PDGFC: variants seen among roughly 807,000 people sequenced by gnomAD.
The protein encoded by PDGFC is platelet-derived growth factor C.
In PDGFC, 12 loss-of-function variants were observed where a neutral mutation model predicts 35.5. The ratio of observed to expected loss-of-function variants is 0.34; its 90% confidence interval spans 0.22 to 0.55. PDGFC has a LOEUF of 0.55. Among genes scored for constraint, PDGFC ranks in the 20% least tolerant of loss-of-function variants. PDGFC has a pLI of 0.91. For synonymous variants in PDGFC, 159 were observed against 148.8 expected (o/e 1.07, Z -0.50); for missense variants, 322 against 412.4 (o/e 0.78, Z 1.90).
At chr4:156,804,620 A>G (rs184238647) in intron 3 of PDGFC, among the ~76,000 whole-genome samples, 1 of 152,094 alleles carries the variant, frequency 6.6e-6, no homozygotes, top group East Asian at 1.9e-4. Context: ...CCAAAACGAG[A>G]TAAGTTATCA....
chr4:156,782,510 C>T (rs979231684), intron 3 of PDGFC, among the ~76,000 whole-genome samples: 10 of 152,092 alleles, frequency 6.6e-5, no homozygotes, highest in African/African-American at 2.2e-4. Flanking sequence ...AGTGTTTGGG[C>T]ATTTTTTTTA....
chr4:156,966,173 A>G (rs1321486014), intron 1 of PDGFC, among the ~76,000 whole-genome samples: 1 of 152,216 alleles, frequency 6.6e-6, no homozygotes, highest in African/African-American at 2.4e-5. Context: ...AAATAAAATC[A>G]TAGTTGGAGG....
At chr4:156,772,996 G>T in intron 3 of PDGFC, 103 bp from the exon 4 acceptor site, 1 of 734,570 alleles carries the variant, frequency 1.4e-6, no homozygotes. Context: ...AAATATGTGT[G>T]AAGGGAAATT....
At chr4:156,934,684 C>G (rs1371075404) in intron 1 of PDGFC, among the ~76,000 whole-genome samples, 1 of 152,180 alleles carries the variant, frequency 6.6e-6, no homozygotes, top group Non-Finnish European at 1.5e-5. Flanking sequence ...CACAACTACA[C>G]AAAAGTATTT....
In PDGFC at chr4:156,761,336, A is replaced by T. The variant is rs1424078954; in HGVS notation, c.*1754T>A. On this transcript the variant is annotated 3_prime_UTR_variant, in exon 6 of 6. Coordinates refer to ENST00000502773, the MANE Select transcript of PDGFC (RefSeq NM_016205.3). ...CCTGCAAGTTTTTTTCCAGTTTCAT[A>T]CTACCATACCACCTATCACCAAGCA... 6.6e-6 allele frequency: 1 copy of T among 152,240 alleles called. No individual in the cohort carries two copies. Among genetic ancestry groups the T allele is most frequent in the Non-Finnish European group, 1.5e-5 (1 of 68,042 alleles). The allele number at this position is 152,240 out of a possible 1,614,324, so 9.4% of individuals were successfully genotyped here.
Position 156,922,189 on chromosome 4 carries a change from T to TGC in PDGFC, c.118+48596_118+48597insGC, listed in dbSNP as rs1415706194. 7.7e-4 allele frequency among the ~76,000 whole-genome samples: 117 copies of TGC among 151,014 alleles called. 2 individuals are homozygous for TGC. Among genetic ancestry groups the TGC allele is most frequent in the Admixed American group, 7.7e-3 (117 of 15,140 alleles). ...GTGTGTGTGTGTGTGTGTGTGTGTG[T>TGC]GTGCATCTGTGTGTGTGTGTATATC... On this transcript the variant is annotated intron_variant, in intron 1 of 5. Coordinates refer to ENST00000502773, the MANE Select transcript of PDGFC (RefSeq NM_016205.3).
chr4:156,811,430 G>A (rs1289350594), intron 2 of PDGFC, among the ~76,000 whole-genome samples: 4 of 151,894 alleles, frequency 2.6e-5, no homozygotes, highest in African/African-American at 4.8e-5. Context: ...CCTGGCCAGG[G>A]GCCTTGGCTC....
chr4:156,767,150 A>G (rs1390463328), intron 5 of PDGFC, among the ~76,000 whole-genome samples: 10 of 152,070 alleles, frequency 6.6e-5, no homozygotes, highest in African/African-American at 2.2e-4. Context: ...CATCACTAAG[A>G]AAAACATTAA....
At chr4:156,861,552 G>T in intron 1 of PDGFC, 1 of 528,378 alleles carries the variant, frequency 1.9e-6, no homozygotes, top group South Asian at 1.7e-5. Context: ...AATCTAGGTG[G>T]TTCAGAATCT....
At chr4:156,955,475 A>C (rs1477948415) in intron 1 of PDGFC, among the ~76,000 whole-genome samples, 2 of 152,082 alleles carry the variant, frequency 1.3e-5, no homozygotes, top group Non-Finnish European at 2.9e-5. Context: ...ATGTATACAT[A>C]TATCAAAACA....
At chr4:156,949,230 G>T (rs974747517) in intron 1 of PDGFC, among the ~76,000 whole-genome samples, 1 of 151,892 alleles carries the variant, frequency 6.6e-6, no homozygotes, top group African/African-American at 2.4e-5. Flanking sequence ...TTAAATATGT[G>T]TATAATATAG....
At chr4:156,784,847 A>AT (rs11446207) in intron 3 of PDGFC, among the ~76,000 whole-genome samples, 2,506 of 152,280 alleles carry the variant, frequency 0.016, 69 homozygotes, top group African/African-American at 0.056. Flanking sequence ...AAAAGTGTCC[A>AT]TTTTTTCAGA....
chr4:156,833,909 C>T (rs776764813), intron 2 of PDGFC, among the ~76,000 whole-genome samples: 3 of 152,178 alleles, frequency 2.0e-5, no homozygotes, highest in Non-Finnish European at 2.9e-5. Flanking sequence ...TAGGAATCAA[C>T]ATATTGTAGC....
intron 3 of PDGFC, among the ~76,000 whole-genome samples, chr4:156,787,454 G>T (rs1300506095): frequency 6.6e-6 from 1 of 152,184 alleles, no homozygotes. Flanking sequence ...TGATGAGCAT[G>T]AGTTTAGAAG....
intron 1 of PDGFC, among the ~76,000 whole-genome samples, chr4:156,893,334 T>C (rs1284846875): frequency 9.3e-6 from 1 of 106,966 alleles, no homozygotes; most frequent in Non-Finnish European, 2.3e-5. Context: ...ATGCTCTAAC[T>C]AGATTTTTTT....
At chr4:156,910,143 A>G (rs990702047) in intron 1 of PDGFC, among the ~76,000 whole-genome samples, 1 of 152,074 alleles carries the variant, frequency 6.6e-6, no homozygotes, top group Non-Finnish European at 1.5e-5. Flanking sequence ...TGTTGGTTTT[A>G]GCCTCCCTGC....
intron 1 of PDGFC, among the ~76,000 whole-genome samples, chr4:156,964,240 T>A (rs1431215295): frequency 6.6e-6 from 1 of 151,724 alleles, no homozygotes; most frequent in Non-Finnish European, 1.5e-5. Flanking sequence ...TTCATCACCA[T>A]CACTGAATAA....
At chr4:156,904,461 T>C (rs761415851) in intron 1 of PDGFC, among the ~76,000 whole-genome samples, 1 of 152,118 alleles carries the variant, frequency 6.6e-6, no homozygotes, top group Non-Finnish European at 1.5e-5. Context: ...ATTTCTCTTG[T>C]CCATAGAAAT....
At chr4:156,857,371 T>C (rs1030536604) in intron 1 of PDGFC, among the ~76,000 whole-genome samples, 5 of 152,086 alleles carry the variant, frequency 3.3e-5, no homozygotes, top group African/African-American at 7.2e-5. Flanking sequence ...GATTTTTAGA[T>C]AGTGATTTCA....
Sources: gnomAD v4.1 joint callset for allele counts (sites outside exome capture counted in the v4.1 genomes callset) on GRCh38, gnomAD v4.1.1 for gene constraint, MANE v1.5 for transcripts, NCBI Gene and HGNC (gene_info 2026-07-23, HGNC 2026-07-21) for gene names.